Variants in ADGRA1 observed in about 807,000 individuals in gnomAD.
The protein encoded by ADGRA1 is adhesion G protein-coupled receptor A1.
A neutral mutation model predicts 21.3 loss-of-function variants in ADGRA1; 12 were observed. The ratio of observed to expected loss-of-function variants is 0.56; its 90% confidence interval spans 0.36 to 0.91. ADGRA1 has a LOEUF of 0.91. Ranked by LOEUF, ADGRA1 falls within the 40% of genes least tolerant of loss-of-function variation. ADGRA1 has a pLI of 0.01. For synonymous variants in ADGRA1, 385 were observed against 368.8 expected, an observed-to-expected ratio of 1.04 and a Z score of -0.50; for missense variants, 790 against 805.6, an observed-to-expected ratio of 0.98 and a Z score of 0.23.
intron 2 of ADGRA1, among the ~76,000 whole-genome samples, chr10:133,094,840 T>G (rs979070318): frequency 2.6e-5 from 4 of 152,152 alleles, no homozygotes; most frequent in Non-Finnish European, 5.9e-5. Flanking sequence ...CTGTTAAAAC[T>G]TCAGTTCTTC....
chr10:133,118,719 G>A (rs187979014), intron 5 of ADGRA1, among the ~76,000 whole-genome samples: 9 of 152,308 alleles, frequency 5.9e-5, no homozygotes, highest in African/African-American at 1.7e-4. Context: ...TGGGGATTAT[G>A]GGATTACAAT....
At chr10:133,102,927 C>G in intron 5 of ADGRA1, 85 bp downstream of exon 5, 1 of 1,402,144 alleles carries the variant, frequency 7.1e-7, no homozygotes, top group Non-Finnish European at 9.7e-7. Context: ...AACCTTCTCA[C>G]CAGGCCACCA....
intron 5 of ADGRA1, among the ~76,000 whole-genome samples, chr10:133,103,438 T>C (rs1243066522): frequency 6.6e-6 from 1 of 152,206 alleles, no homozygotes; most frequent in African/African-American, 2.4e-5. Context: ...CCAGTGTCTC[T>C]GCTGTGTGAG....
chr10:133,088,630 C>G, intron 1 of ADGRA1, 78 bp from the exon 2 acceptor site: 1 of 968,428 alleles, frequency 1.0e-6, no homozygotes, highest in Non-Finnish European at 1.3e-6. Flanking sequence ...CGCGGCTGCT[C>G]CCTGGCGGGG....
chr10:133,107,181 C>T (rs35779100), intron 5 of ADGRA1, among the ~76,000 whole-genome samples: 21,533 of 152,218 alleles, frequency 0.14, 1,816 homozygotes, highest in Non-Finnish European at 0.18. Flanking sequence ...TTTCTGTGTG[C>T]CAACCTTGTG....
rs140168806 is a variant in ADGRA1, at chr10:133,129,022, C to T, written c.1194C>T (p.His398=). 8.9e-6 allele frequency: 14 copies of T among 1,564,828 alleles called. No homozygotes were observed. The highest frequency in any genetic ancestry group is 7.3e-5 in the Admixed American group (4 of 54,610). Residue 398 remains histidine, a synonymous_variant, in exon 7 of 7, where the codon CAC becomes CAT. Transcript: ENST00000392607. The stretch of plus-strand genomic sequence containing the variant: ...AGCCACTGACGGCGGACGAGGCGCA[C>T]GTGCACCTGCAGGAGGAGGGCGCCT... The part of the protein sequence containing the change: ...HCEPLTADEA[H]VHLQEEGAFG...
At chr10:133,088,183 GC>G (rs1860758060) in intron 1 of ADGRA1, 45 bp downstream of exon 1, 2 of 891,290 alleles carry the variant, frequency 2.2e-6, no homozygotes, top group African/African-American at 3.6e-5. Context: ...GACGCGCGGG[GC>G]CGCGGCTCGG....
At chr10:133,089,999 G>A (rs767673006) in intron 2 of ADGRA1, among the ~76,000 whole-genome samples, 1 of 152,288 alleles carries the variant, frequency 6.6e-6, no homozygotes, top group African/African-American at 2.4e-5. Flanking sequence ...CACACCCAGC[G>A]CAGCCCCAGG....
At chr10:133,100,696 CCACT>C (rs1263876016) in intron 4 of ADGRA1, among the ~76,000 whole-genome samples, 1 of 152,254 alleles carries the variant, frequency 6.6e-6, no homozygotes, top group Non-Finnish European at 1.5e-5. Flanking sequence ...GGAGCACGAT[CCACT>C]CACTCGCTCA....
rs780636701 is a variant in ADGRA1, at chr10:133,128,904, C to G, written c.1076C>G (p.Pro359Arg). 6.4e-7 allele frequency: 1 copy of G among 1,556,782 alleles called. No individual in the cohort carries two copies. The highest frequency in any genetic ancestry group is 1.2e-5 in the South Asian group (1 of 85,866). Residue 359 changes from proline (P) to arginine (R), a missense_variant, in exon 7 of 7, where the codon CCG (proline) becomes CGG (arginine). Physicochemically the swap from Pro to Arg is moderately radical, Grantham distance 103 (BLOSUM62 -2). This residue lies in a region of ADGRA1 where 391 missense variants were observed against 351.5 expected (regional missense o/e 1.11). Transcript: ENST00000392607. ...CAGCCACGGGGCTTCGCGCACCCAC[C>G]GGGCCCCTGCAAGATGACCAACCTG... ...LGQPRGFAHP[P>R]GPCKMTNLQA... is the part of the protein sequence containing the mutation.
intron 2 of ADGRA1, among the ~76,000 whole-genome samples, chr10:133,094,538 G>A (rs911431242): frequency 6.6e-6 from 1 of 152,280 alleles, no homozygotes; most frequent in African/African-American, 2.4e-5. Flanking sequence ...GAGAGGACGC[G>A]TGAGGGCCCG....
chr10:133,121,282 A>C (rs2135903343), intron 5 of ADGRA1, among the ~76,000 whole-genome samples: 1 of 152,368 alleles, frequency 6.6e-6, no homozygotes. Flanking sequence ...GGGTTCCCAC[A>C]GCCTCCACCT....
At chr10:133,092,844 GGAA>G (rs1851623688) in intron 2 of ADGRA1, among the ~76,000 whole-genome samples, 8 of 146,870 alleles carry the variant, frequency 5.4e-5, no homozygotes, top group Middle Eastern at 3.4e-3. Flanking sequence ...AGGGAGGGAA[GGAA>G]GGAAGGAAGG....
chr10:133,096,116 A>G (rs1305311851), intron 2 of ADGRA1, among the ~76,000 whole-genome samples: 1 of 152,184 alleles, frequency 6.6e-6, no homozygotes, highest in African/African-American at 2.4e-5. Context: ...CATGTTTCCC[A>G]CAGTCTGGAG....
At chr10:133,101,019 G>T (rs528221133) in intron 4 of ADGRA1, among the ~76,000 whole-genome samples, 2 of 152,344 alleles carry the variant, frequency 1.3e-5, no homozygotes, top group East Asian at 1.9e-4. Context: ...GCTCTGCGAG[G>T]CGAACAGAAG....
Position 133,127,334 on chromosome 10 carries a change from G to A in ADGRA1, c.500+3G>A. 6.3e-7 allele frequency: 1 copy of A among 1,588,156 alleles called. No individual in the cohort carries two copies. On this transcript the variant is annotated splice_donor_region_variant and intron_variant, in intron 6 of 6. Coordinates refer to ENST00000392607, the MANE Select transcript of ADGRA1 (RefSeq NM_001083909.3). ...ACAGAGGACGAGGACACGGCGTAGTGAGTACCGGGCACCCAGAACCGGGAG... is the reference window on the plus strand; with the variant it reads ...ACAGAGGACGAGGACACGGCGTAGTAAGTACCGGGCACCCAGAACCGGGAG...
In ADGRA1 at chr10:133,095,667, G is replaced by A. The variant is rs752686449; in HGVS notation, c.4-1307G>A. ...GCTCCCCAGAGCACCCTCTGTCCACGGTGGACACTCTCTAGCCAGCCAGGG... is the reference window on the plus strand; with the variant it reads ...GCTCCCCAGAGCACCCTCTGTCCACAGTGGACACTCTCTAGCCAGCCAGGG... On this transcript the variant is annotated intron_variant, in intron 2 of 6. Transcript: ENST00000392607. The A allele has an allele frequency of 2.3e-5, 36 of 1,596,192 alleles. 1 individual carries two copies. In the East Asian group the frequency reaches 5.1e-4, roughly 23 times the overall value.
Position 133,093,039 on chromosome 10 carries a change from C to T in ADGRA1, c.4-3935C>T, listed in dbSNP as rs1054027389. ...AGCCAGTCGGAGCTGCAGACCTGGCCCCGGACACCTCACTGTGTAGGAAAG... is the reference window on the plus strand; with the variant it reads ...AGCCAGTCGGAGCTGCAGACCTGGCTCCGGACACCTCACTGTGTAGGAAAG... On this transcript the variant is annotated intron_variant, in intron 2 of 6. Coordinates refer to ENST00000392607, the MANE Select transcript of ADGRA1 (RefSeq NM_001083909.3). 15 of 1,594,628 alleles carry T rather than the reference C, an allele frequency of 9.4e-6. No homozygotes were observed. The African/African-American group carries it at 1.9e-4, about 20-fold the overall frequency.
intron 5 of ADGRA1, among the ~76,000 whole-genome samples, chr10:133,112,522 G>A (rs1425914408): frequency 1.3e-5 from 2 of 149,932 alleles, no homozygotes; most frequent in African/African-American, 2.5e-5. Context: ...GGTTATTTGG[G>A]GTCTGCAGGC....
Sources: gnomAD v4.1 joint callset for allele counts (sites outside exome capture counted in the v4.1 genomes callset) on GRCh38, gnomAD v4.1.1 for gene constraint, gnomAD v4.1.1 regional missense constraint, MANE v1.5 for transcripts, NCBI Gene and HGNC (gene_info 2026-07-23, HGNC 2026-07-21) for gene names.